GBF1: variants seen among roughly 807,000 people sequenced by gnomAD.
The protein encoded by GBF1 is golgi brefeldin A resistant guanine nucleotide exchange factor 1.
Under a neutral mutation model 210.5 loss-of-function variants are expected in GBF1, and 114 were observed. That is an observed-to-expected ratio of 0.54 (90% confidence interval 0.47 to 0.63). The LOEUF (loss-of-function observed/expected upper bound fraction) is 0.63. GBF1 is among the 30% of genes least tolerant of loss of function. The pLI is 0.00. For missense variants in GBF1, 1,851 were observed against 2,357.7 expected, an observed-to-expected ratio of 0.79 and a Z score of 4.45; for synonymous variants, 850 against 889.2, an observed-to-expected ratio of 0.96 and a Z score of 0.78.
In GBF1 at chr10:102,379,618, A is replaced by C; in HGVS notation, c.4743A>C (p.Leu1581=). 6.2e-7 allele frequency: 1 copy of C among 1,614,136 alleles called. No homozygotes were observed. Among genetic ancestry groups the C allele is most frequent in the East Asian group, 2.2e-5 (1 of 44,886 alleles). Residue 1581 remains leucine, a synonymous_variant, in exon 35 of 40, where the codon CTA becomes CTC. Coordinates refer to ENST00000369983, the MANE Select transcript of GBF1 (RefSeq NM_001377137.1). ...TACTTGTACATGATCTGCAAAAGCTAGATGCCCTGGAATGGGAGTCCTGTT... is the reference window on the plus strand; with the variant it reads ...TACTTGTACATGATCTGCAAAAGCTCGATGCCCTGGAATGGGAGTCCTGTT... The part of the protein sequence containing the change: ...RALLVHDLQK[L]DALEWESCFN...
intron 1 of GBF1, among the ~76,000 whole-genome samples, chr10:102,256,709 G>A (rs1163453142): frequency 2.0e-5 from 3 of 151,860 alleles, no homozygotes; most frequent in Non-Finnish European, 4.4e-5. Flanking sequence ...GAGTGGAGAT[G>A]GGTTTCACCA....
chr10:102,331,454 C>A (rs1177630529), intron 3 of GBF1, among the ~76,000 whole-genome samples: 1 of 151,816 alleles, frequency 6.6e-6, no homozygotes, highest in Non-Finnish European at 1.5e-5. Context: ...CATGTTTAAT[C>A]AGAGAGTTAA....
chr10:102,301,839 C>T (rs1373238656), intron 3 of GBF1, among the ~76,000 whole-genome samples: 2 of 151,718 alleles, frequency 1.3e-5, no homozygotes, highest in Admixed American at 6.6e-5. Context: ...CAGGCAGAGA[C>T]GCTCCTCACT....
rs1313078616 is a variant in GBF1 at position 102,293,767 on chromosome 10, TTGTG to T, written c.163+33653_163+33656del. ...ATATTTTGTACAGCTGTAGTATGTT[TTGTG>T]TTTTTTTTTTTTTTTTTTTTTTTTG... On this transcript the variant is annotated intron_variant, in intron 3 of 39. Transcript: ENST00000369983. Among the ~76,000 whole-genome samples, 118 of 28,884 alleles carry T rather than the reference TTGTG, an allele frequency of 4.1e-3. 19 individuals are homozygous for T. Among genetic ancestry groups the T allele is most frequent in the African/African-American group, 0.015 (97 of 6,630 alleles). 18.9% of individuals were successfully genotyped at this position (28,884 alleles called of 152,430 possible).
chr10:102,319,728 C>CT (rs546103797), intron 3 of GBF1, among the ~76,000 whole-genome samples: 1,488 of 133,176 alleles, frequency 0.011, 18 homozygotes, highest in East Asian at 0.069. Flanking sequence ...CTTTTTCTTT[C>CT]TTTTTTTTTT....
At chr10:102,352,604 C>T in intron 7 of GBF1, 86 bp downstream of exon 7, 2 of 886,538 alleles carry the variant, frequency 2.3e-6, no homozygotes, top group Non-Finnish European at 3.8e-6. Context: ...GGGACCTGGC[C>T]AACCCCACAG....
At chr10:102,265,624 A>ACAGTGACCCATGATTGCGC (rs1349683767) in intron 3 of GBF1, among the ~76,000 whole-genome samples, 1 of 152,126 alleles carries the variant, frequency 6.6e-6, no homozygotes, top group Non-Finnish European at 1.5e-5. Flanking sequence ...GTTCGAGGTT[A>ACAGTGACCCATGATTGCGC]CAGTGACCCA....
chr10:102,234,171 G>A, the GBF1 span, among the ~76,000 whole-genome samples: 2 of 152,270 alleles, frequency 1.3e-5, no homozygotes, highest in East Asian at 3.9e-4. Flanking sequence ...GATTTATTAG[G>A]AGCCTTTCTC....
At chr10:102,276,363 A>G (rs1292317377) in intron 3 of GBF1, among the ~76,000 whole-genome samples, 3 of 151,226 alleles carry the variant, frequency 2.0e-5, no homozygotes, top group South Asian at 4.2e-4. Context: ...CGTCTCTACT[A>G]AAAAAACAAA....
At chr10:102,297,335 T>C (rs1011893583) in intron 3 of GBF1, among the ~76,000 whole-genome samples, 1 of 152,386 alleles carries the variant, frequency 6.6e-6, no homozygotes, top group African/African-American at 2.4e-5. Flanking sequence ...GATGCTTTGC[T>C]GTACAGTTAT....
In GBF1 at chr10:102,351,328, GCA is replaced by G; in HGVS notation, c.370_371del (p.Thr124GlyfsTer5). 1 of 1,610,674 alleles carries G rather than the reference GCA, an allele frequency of 6.2e-7. No individual in the cohort carries two copies. The highest frequency in any genetic ancestry group is 8.5e-7 in the Non-Finnish European group (1 of 1,176,864). ...GCTGTCACCCATGCTCGTTTTGTGGGCACGGATCCTGCCAGTGATGAAGTTGT... is the reference window on the plus strand; with the variant it reads ...GCTGTCACCCATGCTCGTTTTGTGGGCGGATCCTGCCAGTGATGAAGTTGT... On this transcript the variant is annotated frameshift_variant, in exon 5 of 40. Transcript: ENST00000369983. LOFTEE classifies it high-confidence loss of function.
chr10:102,310,690 T>C (rs2078336639), intron 3 of GBF1, among the ~76,000 whole-genome samples: 2 of 152,064 alleles, frequency 1.3e-5, no homozygotes, highest in Non-Finnish European at 2.9e-5. Flanking sequence ...TGAGCAGGGA[T>C]TGAGGAAGGG....
At position 102,337,369 on chromosome 10, in the gene GBF1, CA is replaced by C. The variant is rs376089186; in HGVS notation, c.164-6665del. 7.5e-4 allele frequency among the ~76,000 whole-genome samples: 69 copies of C among 92,612 alleles called. No individual in the cohort carries two copies. The Middle Eastern group carries it at 0.026, about 35-fold the overall frequency. The allele number at this position is 92,612 out of a possible 152,430, so 60.8% of individuals were successfully genotyped here. On this transcript the variant is annotated intron_variant, in intron 3 of 39. Transcript: ENST00000369983. ...TGGGCGACAGAGCGAGACTCCGCCTCAAAAAAAAAAAAAAAAACTATGGGTC... is the reference window on the plus strand; with the variant it reads ...TGGGCGACAGAGCGAGACTCCGCCTCAAAAAAAAAAAAAAAACTATGGGTC...
At chr10:102,252,976 C>G (rs1052263414) in intron 1 of GBF1, among the ~76,000 whole-genome samples, 1 of 152,112 alleles carries the variant, frequency 6.6e-6, no homozygotes, top group Admixed American at 6.5e-5. Flanking sequence ...CTTACTGCAA[C>G]CTCCACCTCC....
rs763327363 is a variant in GBF1 at position 102,382,229 on chromosome 10, ACT to A, written c.5479_5480del (p.Leu1827AlafsTer31). On this transcript the variant is annotated frameshift_variant, in exon 40 of 40. Coordinates refer to ENST00000369983, the MANE Select transcript of GBF1 (RefSeq NM_001377137.1). LOFTEE classifies it high-confidence loss of function. ...SPLQVGVPPM[T>X]LPIILNPALI... The stretch of plus-strand genomic sequence containing the variant: ...ACTGCAGGTGGGCGTGCCACCTATG[ACT>A]CTGCCCATCATCCTCAACCCTGCGC... 6.2e-7 allele frequency: 1 copy of A among 1,613,574 alleles called. No individual in the cohort carries two copies. The highest frequency in any genetic ancestry group is 8.5e-7 in the Non-Finnish European group (1 of 1,179,816).
chr10:102,322,869 A>G (rs556320801), intron 3 of GBF1, among the ~76,000 whole-genome samples: 3 of 152,076 alleles, frequency 2.0e-5, no homozygotes, highest in Non-Finnish European at 4.4e-5. Context: ...GTGAGCTGAG[A>G]TCACACCACT....
chr10:102,232,854 A>C, the GBF1 span, among the ~76,000 whole-genome samples: 1 of 152,202 alleles, frequency 6.6e-6, no homozygotes, highest in Non-Finnish European at 1.5e-5. Flanking sequence ...CATTCTCCTT[A>C]GGACAGATTG....
At chr10:102,377,820 G>A (rs1476812523) in intron 33 of GBF1, among the ~76,000 whole-genome samples, 1 of 152,120 alleles carries the variant, frequency 6.6e-6, no homozygotes, top group African/African-American at 2.4e-5. Flanking sequence ...TCCTTCCAGA[G>A]TTACCCTGTG....
At chr10:102,377,221 G>A in intron 33 of GBF1, 81 bp downstream of exon 33, 1 of 1,125,974 alleles carries the variant, frequency 8.9e-7, no homozygotes, top group Non-Finnish European at 1.3e-6. Flanking sequence ...AGCCAGGGCT[G>A]AGGGGAAGGG....
Sources: gnomAD v4.1 joint callset for allele counts (sites outside exome capture counted in the v4.1 genomes callset) on GRCh38, gnomAD v4.1.1 for gene constraint, MANE v1.5 for transcripts, NCBI Gene and HGNC (gene_info 2026-07-23, HGNC 2026-07-21) for gene names.